The following CCBE1 variants were observed in gnomAD, a reference collection of about 807,000 sequenced individuals.
CCBE1 encodes the protein collagen and calcium binding EGF domains 1.
Under a neutral mutation model 50.0 loss-of-function variants are expected in CCBE1, and 37 were observed. That is an observed-to-expected ratio of 0.74 (90% CI 0.57 to 0.97). CCBE1 has a LOEUF of 0.97. CCBE1 is among the 50% of genes least tolerant of loss of function. The probability of loss-of-function intolerance (pLI) is 0.00; values close to 1 mark genes in which losing one functional copy is unlikely to be tolerated. For synonymous variants in CCBE1, 234 were observed against 203.7 expected (o/e 1.15, Z -1.27); for missense variants, 538 against 523.8 (o/e 1.03, Z -0.26).
chr18:59,553,610 G>C (rs1351508091), intron 2 of CCBE1, among the ~76,000 whole-genome samples: 1 of 152,232 alleles, frequency 6.6e-6, no homozygotes, highest in East Asian at 1.9e-4. Flanking sequence ...GAAAGAGGAT[G>C]AAGTTTTGTA....
At chr18:59,579,954 T>C (rs957195259) in intron 2 of CCBE1, among the ~76,000 whole-genome samples, 1 of 152,134 alleles carries the variant, frequency 6.6e-6, no homozygotes, top group Non-Finnish European at 1.5e-5. Flanking sequence ...TAAGAATAAA[T>C]CACCCTGAAG....
In CCBE1 at chr18:59,652,415, A is replaced by G. The variant is rs556096128; in HGVS notation, c.212+44214T>C. On this transcript the variant is annotated intron_variant, in intron 2 of 10. Coordinates refer to ENST00000439986, the MANE Select transcript of CCBE1 (RefSeq NM_133459.4). ...GCCTGAGCCCAAAGGTGAATGGGGT[A>G]AATTCCTCCAGTTCCTTCGGCATGG... Among the ~76,000 whole-genome samples the G allele has an allele frequency of 1.1e-3, 168 of 152,286 alleles. 2 individuals are homozygous for G. The highest frequency in any genetic ancestry group is 3.4e-3 in the Middle Eastern group (1 of 294).
At chr18:59,677,047 G>T (rs2054514357) in intron 2 of CCBE1, among the ~76,000 whole-genome samples, 1 of 152,188 alleles carries the variant, frequency 6.6e-6, no homozygotes, top group Admixed American at 6.5e-5. Context: ...TTTCCAGAGT[G>T]ATGAGATGCC....
chr18:59,524,756 C>G (rs1171832893), intron 2 of CCBE1, among the ~76,000 whole-genome samples: 1 of 117,124 alleles, frequency 8.5e-6, no homozygotes. Flanking sequence ...TCTCCCACAC[C>G]CCTCGATAGG....
At position 59,439,592 on chromosome 18, in the gene CCBE1, G is replaced by A. The variant is rs779760359; in HGVS notation, c.916-14C>T. The A allele has an allele frequency of 3.1e-6, 5 of 1,614,122 alleles. No homozygotes were observed. Among genetic ancestry groups the A allele is most frequent in the African/African-American group, 1.3e-5 (1 of 74,938 alleles). ...CCCTGGTGGACCCTGTAATACAAAAGGATCTGGTTTAACCACAGGCAAAAG... is the reference window on the plus strand; with the variant it reads ...CCCTGGTGGACCCTGTAATACAAAAAGATCTGGTTTAACCACAGGCAAAAG... On this transcript the variant is annotated splice_polypyrimidine_tract_variant and intron_variant, in intron 8 of 10. Transcript: ENST00000439986.
At chr18:59,676,389 C>T (rs143582886) in intron 2 of CCBE1, among the ~76,000 whole-genome samples, 1 of 152,214 alleles carries the variant, frequency 6.6e-6, no homozygotes, top group Non-Finnish European at 1.5e-5. Flanking sequence ...GTTGTAGGCT[C>T]TTAGCCTCAA....
intron 2 of CCBE1, among the ~76,000 whole-genome samples, chr18:59,579,399 T>TAA (rs111786909): frequency 0.019 from 2,616 of 141,010 alleles, 77 homozygotes; most frequent in African/African-American, 0.064. Flanking sequence ...TGGGGATCTT[T>TAA]AAAAAAAAAA....
At chr18:59,549,998 G>A (rs1599003600) in intron 2 of CCBE1, among the ~76,000 whole-genome samples, 2 of 152,304 alleles carry the variant, frequency 1.3e-5, no homozygotes, top group East Asian at 1.9e-4. Context: ...TTTCTCTGGA[G>A]CCAACGGGCA....
chr18:59,646,277 A>C (rs889524398), intron 2 of CCBE1, among the ~76,000 whole-genome samples: 2 of 152,228 alleles, frequency 1.3e-5, no homozygotes, highest in African/African-American at 4.8e-5. Flanking sequence ...GTTGGGACCC[A>C]GCAAGTGAGA....
chr18:59,690,523 C>T (rs1327430426), intron 2 of CCBE1, among the ~76,000 whole-genome samples: 2 of 152,172 alleles, frequency 1.3e-5, no homozygotes, highest in African/African-American at 2.4e-5. Context: ...CAAGCCTTCT[C>T]CTGAGAAGAT....
At chr18:59,690,779 C>T (rs1022888684) in intron 2 of CCBE1, among the ~76,000 whole-genome samples, 6 of 152,334 alleles carry the variant, frequency 3.9e-5, no homozygotes, top group East Asian at 3.9e-4. Flanking sequence ...TTCCCTCCCT[C>T]GAACACCTGT....
chr18:59,526,109 G>A (rs1220769539), intron 2 of CCBE1, among the ~76,000 whole-genome samples: 1 of 151,996 alleles, frequency 6.6e-6, no homozygotes, highest in African/African-American at 2.4e-5. Flanking sequence ...TAGTTTTTCT[G>A]GTTCTGTGAA....
chr18:59,656,554 C>T (rs187627487), intron 2 of CCBE1, among the ~76,000 whole-genome samples: 18 of 152,304 alleles, frequency 1.2e-4, no homozygotes, highest in South Asian at 2.1e-4. Flanking sequence ...AATTTAAGGA[C>T]GCCACTCTGA....
intron 2 of CCBE1, among the ~76,000 whole-genome samples, chr18:59,502,352 G>A (rs1193728819): frequency 1.3e-5 from 2 of 152,134 alleles, no homozygotes; most frequent in Non-Finnish European, 2.9e-5. Context: ...GCTTTTTTGT[G>A]TGTGAGGTAA....
chr18:59,681,804 T>C (rs1034412597), intron 2 of CCBE1, among the ~76,000 whole-genome samples: 1 of 152,214 alleles, frequency 6.6e-6, no homozygotes, highest in African/African-American at 2.4e-5. Context: ...GGCTATCATG[T>C]TTGTAAGGCT....
intron 9 of CCBE1, among the ~76,000 whole-genome samples, chr18:59,438,679 G>T (rs1910269813): frequency 6.6e-6 from 1 of 152,220 alleles, no homozygotes; most frequent in South Asian, 2.1e-4. Flanking sequence ...TGTGGTGGTT[G>T]TTTTTGTCTT....
intron 2 of CCBE1, among the ~76,000 whole-genome samples, chr18:59,614,013 A>G (rs1222200331): frequency 6.6e-6 from 1 of 151,992 alleles, no homozygotes; most frequent in African/African-American, 2.4e-5. Flanking sequence ...ACCTGGGATT[A>G]CAGGTGCACA....
intron 2 of CCBE1, among the ~76,000 whole-genome samples, chr18:59,509,888 A>G (rs7245268): frequency 0.27 from 41,481 of 152,094 alleles, 5,888 homozygotes; most frequent in Middle Eastern, 0.33. Flanking sequence ...ACATGTTTTC[A>G]AAGCGATGTC....
chr18:59,441,619 G>T (rs947211501), intron 7 of CCBE1, among the ~76,000 whole-genome samples: 4 of 152,180 alleles, frequency 2.6e-5, no homozygotes, highest in African/African-American at 9.7e-5. Flanking sequence ...GAACGGTGCT[G>T]TTGGAAAAGA....
Sources: allele counts gnomAD v4.1 joint callset (sites outside exome capture counted in the v4.1 genomes callset), GRCh38; gene constraint gnomAD v4.1.1; transcripts MANE v1.5; gene names NCBI Gene and HGNC (gene_info 2026-07-23, HGNC 2026-07-21).